The following EVC variants were observed in gnomAD, a reference collection of about 807,000 sequenced individuals.
The protein encoded by EVC is EvC ciliary complex subunit 1.
EVC carries 116 observed loss-of-function variants against 118.9 expected under a neutral mutation model. The observed-to-expected ratio is 0.98, with a 90% CI of 0.84 to 1.14. The LOEUF is 1.14. Ranked by LOEUF, EVC falls within the 50% of genes most tolerant of loss-of-function variation. The pLI, the probability that EVC is intolerant of heterozygous loss-of-function variation, is 0.00. For synonymous variants in EVC, 619 were observed against 534.7 expected (o/e 1.16, Z -2.18); for missense variants, 1,401 against 1,246.4 (o/e 1.12, Z -1.87).
At chr4:5,809,175 T>G (rs1366120446) in intron 18 of EVC, among the ~76,000 whole-genome samples, 2 of 152,144 alleles carry the variant, frequency 1.3e-5, no homozygotes, top group African/African-American at 4.8e-5. Flanking sequence ...TGTTGGAAGT[T>G]TAGAGCCCAG....
chr4:5,748,775 TCCAC>T (rs147052834), intron 8 of EVC, among the ~76,000 whole-genome samples: 20,194 of 72,724 alleles, frequency 0.28, 2,271 homozygotes, highest in East Asian at 0.34. Flanking sequence ...CATCCATCCA[TCCAC>T]CCATCCATCC....
At position 5,798,629 on chromosome 4, in the gene EVC, C is replaced by T; in HGVS notation, c.2141C>T (p.Ala714Val). 1.3e-6 allele frequency: 2 copies of T among 1,588,906 alleles called. No individual in the cohort carries two copies. Among genetic ancestry groups the T allele is most frequent in the African/African-American group, 1.3e-5 (1 of 74,556 alleles). The stretch of plus-strand genomic sequence containing the variant: ...GAGGCCAGCCGGCTAGAGGAGGAAG[C>T]ACAGCAGACACGGCTGCAGCTCCAG... ...LEEASRLEEEAQQTRLQLQQR... is the reference protein window; with the variant it reads ...LEEASRLEEEVQQTRLQLQQR... Residue 714 changes from alanine to valine, a missense_variant, in exon 15 of 21, where the codon GCA (alanine) becomes GTA (valine). Physicochemically the swap from Ala to Val is moderately conservative, Grantham distance 64. Coordinates refer to ENST00000264956, the MANE Select transcript of EVC (RefSeq NM_153717.3). This position sits in a 1 kb window ranked among gnomAD's most constrained non-coding sequence, Gnocchi z 4.1.
At chr4:5,741,967 T>C (rs951712478) in intron 6 of EVC, among the ~76,000 whole-genome samples, 153 bp downstream of exon 6, 2 of 152,222 alleles carry the variant, frequency 1.3e-5, no homozygotes, top group Admixed American at 6.5e-5. Context: ...AAAGTATGTA[T>C]ACAAATATTT....
chr4:5,771,793 C>T (rs1461384416), intron 11 of EVC, among the ~76,000 whole-genome samples: 7 of 152,170 alleles, frequency 4.6e-5, no homozygotes, highest in Admixed American at 3.9e-4. Context: ...AAGGGTTATA[C>T]ACCATGACCA....
rs1379734290 is a variant in EVC, at chr4:5,811,327, C to T, written c.*290C>T. 4.7e-6 allele frequency: 2 copies of T among 421,522 alleles called. No homozygotes were observed. The highest frequency in any genetic ancestry group is 2.2e-5 in the South Asian group (1 of 46,186). The allele number at this position is 421,522 out of a possible 1,614,324, so 26.1% of individuals were successfully genotyped here. ...GATCTTTCTCCCCAAGGAGGGACGT[C>T]TTGAGGGGTCCGAGCCTCAGGCCAA... On this transcript the variant is annotated 3_prime_UTR_variant, in exon 21 of 21. Transcript: ENST00000264956.
At position 5,737,365 on chromosome 4, in the gene EVC, A is replaced by C. The variant is rs1337778119; in HGVS notation, c.702+3930A>C. 1.3e-5 allele frequency among the ~76,000 whole-genome samples: 2 copies of C among 152,266 alleles called. No homozygotes were observed. Among genetic ancestry groups the C allele is most frequent in the Non-Finnish European group, 2.9e-5 (2 of 68,054 alleles). The stretch of plus-strand genomic sequence containing the variant: ...GGAGAAGCTTCAGCAAGTTACCCAG[A>C]AGATCTAGCTAAGACCATTGAGCAA... On this transcript the variant is annotated intron_variant, in intron 5 of 20. Transcript: ENST00000264956. This position sits in a 1 kb window ranked among gnomAD's most constrained non-coding sequence, Gnocchi z 5.0.
At chr4:5,759,160 C>T (rs980935987) in intron 11 of EVC, among the ~76,000 whole-genome samples, 3 of 152,088 alleles carry the variant, frequency 2.0e-5, no homozygotes, top group Admixed American at 6.5e-5. Context: ...CTTAAGTCTC[C>T]GTCCAAAGGT....
intron 11 of EVC, among the ~76,000 whole-genome samples, chr4:5,764,754 T>C (rs1732608106): frequency 1.4e-5 from 2 of 146,696 alleles, no homozygotes; most frequent in African/African-American, 5.1e-5. Context: ...TGATATCCCC[T>C]TTATCATTTT....
chr4:5,810,762 A>G (rs77165416), intron 20 of EVC, among the ~76,000 whole-genome samples, 191 bp from the exon 21 acceptor site: 19 of 152,322 alleles, frequency 1.2e-4, no homozygotes, highest in African/African-American at 4.6e-4. Flanking sequence ...GGCTGTGGTC[A>G]TGGCACTTGG....
chr4:5,779,430 G>A (rs1334692697), intron 11 of EVC, among the ~76,000 whole-genome samples: 2 of 149,178 alleles, frequency 1.3e-5, no homozygotes, highest in African/African-American at 2.5e-5. Flanking sequence ...ATTACCTTGG[G>A]CAGTATGGCC....
At chr4:5,712,561 G>A (rs192723461) in intron 1 of EVC, among the ~76,000 whole-genome samples, 3 of 152,178 alleles carry the variant, frequency 2.0e-5, no homozygotes, top group Admixed American at 6.5e-5. Flanking sequence ...AAGTCTGCGC[G>A]ATCAGAAACA....
chr4:5,767,920 C>G (rs1190230245), intron 11 of EVC, among the ~76,000 whole-genome samples: 1 of 152,166 alleles, frequency 6.6e-6, no homozygotes, highest in Non-Finnish European at 1.5e-5. Context: ...CCATCTTGGC[C>G]CCTCCCCCCA....
At chr4:5,803,021 A>G (rs1484693217) in intron 16 of EVC, among the ~76,000 whole-genome samples, 1 of 152,212 alleles carries the variant, frequency 6.6e-6, no homozygotes, top group Non-Finnish European at 1.5e-5. Context: ...CCATGAGTCC[A>G]GTGGTCCAGG....
chr4:5,821,441 T>C, the EVC span: 1 of 358,338 alleles, frequency 2.8e-6, no homozygotes, highest in Non-Finnish European at 5.2e-6. The surrounding 1 kb of genome is among the most constrained non-coding windows in gnomAD (Gnocchi z 4.4). Flanking sequence ...ACTCAGAGAA[T>C]CATGGAGCCA....
the EVC span, chr4:5,825,893 A>AC: frequency 0.035 from 18,603 of 534,968 alleles, 432 homozygotes; most frequent in African/African-American, 0.056. The surrounding 1 kb of genome is among the most constrained non-coding windows in gnomAD (Gnocchi z 4.4). Flanking sequence ...ACATGCATAC[A>AC]CATACAGACG....
At chr4:5,783,256 G>C (rs1002536446) in intron 11 of EVC, among the ~76,000 whole-genome samples, 1 of 152,118 alleles carries the variant, frequency 6.6e-6, no homozygotes, top group Non-Finnish European at 1.5e-5. Flanking sequence ...GTGCATGTGT[G>C]TATATGTGCC....
At chr4:5,784,606 ATTT>A (rs35237111) in intron 12 of EVC, among the ~76,000 whole-genome samples, 1,564 of 111,176 alleles carry the variant, frequency 0.014, 22 homozygotes, top group African/African-American at 0.05. Context: ...ATACACATTG[ATTT>A]TTTTTTTTTT....
Position 5,813,825 on chromosome 4 carries a change from C to T in EVC, c.*2788C>T, listed in dbSNP as rs1446163024. On this transcript the variant is annotated 3_prime_UTR_variant, in exon 21 of 21. Coordinates refer to ENST00000264956, the MANE Select transcript of EVC (RefSeq NM_153717.3). ...GTCATTTGCTCGACCCTGGCCCACC[C>T]TTGCCGCCCAGCTGTTGTGCTGGGC... The T allele has an allele frequency of 6.6e-6, 1 of 152,270 alleles. No individual in the cohort carries two copies. The highest frequency in any genetic ancestry group is 1.5e-5 in the Non-Finnish European group (1 of 68,058). 9.4% of individuals were successfully genotyped at this position (152,270 alleles called of 1,614,324 possible).
intron 13 of EVC, among the ~76,000 whole-genome samples, chr4:5,794,441 C>T (rs575710044): frequency 2.6e-4 from 38 of 148,174 alleles, no homozygotes; most frequent in African/African-American, 9.2e-4. Flanking sequence ...GACTCTCGCT[C>T]TGTCGCCCAG....
Sources: gnomAD v4.1 joint callset for allele counts (sites outside exome capture counted in the v4.1 genomes callset) on GRCh38, gnomAD v4.1.1 for gene constraint, Gnocchi (gnomAD v3.1) non-coding constraint, MANE v1.5 for transcripts, NCBI Gene and HGNC (gene_info 2026-07-23, HGNC 2026-07-21) for gene names.